The following DGKB variants were observed in gnomAD, a reference collection of about 807,000 sequenced individuals.
The protein encoded by DGKB is diacylglycerol kinase beta.
Under a neutral mutation model 114.3 loss-of-function variants are expected in DGKB, and 67 were observed. The ratio of observed to expected loss-of-function variants is 0.59; its 90% CI spans 0.48 to 0.72. DGKB has a LOEUF of 0.72. DGKB is among the 30% of genes least tolerant of loss of function. The pLI is 0.00. For missense variants in DGKB, 907 were observed against 975.2 expected, an observed-to-expected ratio of 0.93 and a Z score of 0.93; for synonymous variants, 398 against 323.1, an observed-to-expected ratio of 1.23 and a Z score of -2.49.
intron 1 of DGKB, among the ~76,000 whole-genome samples, chr7:14,915,439 C>G (rs1322343951): frequency 6.6e-6 from 1 of 152,036 alleles, no homozygotes; most frequent in African/African-American, 2.4e-5. Context: ...CAGCTGTCTT[C>G]CAAAATTAAT....
In DGKB at chr7:14,580,947, C is replaced by G. The variant is rs1304907158; in HGVS notation, c.1524G>C (p.Lys508Asn). ...CTGGAGGATGCTTGCCTACATTGGC[C>G]TTTTCTGCAGAATAAAAAAAAATAC... Reference protein sequence around the residue: ...TVGWVLDCIEKANVGKHPPVA... With the variant: ...TVGWVLDCIENANVGKHPPVA... The change falls in exon 19 of 26, where the codon AAG (lysine) becomes AAC (asparagine). Residue 508 changes from lysine (K) to asparagine (N), a missense_variant. This residue lies in a region of DGKB where 814 missense variants were observed against 856.6 expected (regional missense o/e 0.95). Transcript: ENST00000402815. The G allele has an allele frequency of 1.3e-6, 2 of 1,592,488 alleles. No individual in the cohort carries two copies. Among genetic ancestry groups the G allele is most frequent in the Non-Finnish European group, 1.7e-6 (2 of 1,167,480 alleles).
At chr7:14,659,929 G>C (rs1182275865) in intron 13 of DGKB, among the ~76,000 whole-genome samples, 2 of 152,014 alleles carry the variant, frequency 1.3e-5, no homozygotes, top group South Asian at 4.2e-4. Flanking sequence ...TTTATTGAGA[G>C]TTTTTAGCAT....
At position 14,547,032 on chromosome 7, in the gene DGKB, G is replaced by A. The variant is rs1277701975; in HGVS notation, c.1770+27180C>T. 3.3e-5 allele frequency among the ~76,000 whole-genome samples: 5 copies of A among 152,044 alleles called. No homozygotes were observed. In the East Asian group the frequency reaches 9.6e-4, roughly 29 times the overall value. On this transcript the variant is annotated intron_variant, in intron 20 of 25. Transcript: ENST00000402815. ...CTTTCTTAGTTAACTCATATTAAAA[G>A]GAATCATTAAGCTTGCCATAAATTC...
intron 1 of DGKB, among the ~76,000 whole-genome samples, chr7:14,857,598 T>C (rs1158401436): frequency 6.6e-6 from 1 of 152,194 alleles, no homozygotes; most frequent in African/African-American, 2.4e-5. Flanking sequence ...TTATTTTCCA[T>C]ATTTAAAATT....
intron 21 of DGKB, among the ~76,000 whole-genome samples, chr7:14,409,692 C>A (rs1485877212): frequency 1.5e-4 from 1 of 6,748 alleles, no homozygotes; most frequent in Admixed American, 1.6e-3. Context: ...CTGGCCTGGG[C>A]GACAGAGCGA....
chr7:14,956,535 T>A (rs1431905616), intron 1 of DGKB, among the ~76,000 whole-genome samples: 1 of 152,064 alleles, frequency 6.6e-6, no homozygotes, highest in East Asian at 1.9e-4. Context: ...GATGTGAAAA[T>A]GAACTGCTAA....
chr7:14,604,962 TA>T (rs1416272812), intron 17 of DGKB, among the ~76,000 whole-genome samples: 1 of 152,146 alleles, frequency 6.6e-6, no homozygotes, highest in Non-Finnish European at 1.5e-5. Context: ...AAGATGAAGC[TA>T]AAAGTTCAAC....
At chr7:14,568,763 C>T (rs907176212) in intron 20 of DGKB, among the ~76,000 whole-genome samples, 3 of 152,152 alleles carry the variant, frequency 2.0e-5, no homozygotes, top group African/African-American at 4.8e-5. Context: ...TTTCTGACCT[C>T]GGGCTTTCTA....
chr7:14,424,467 A>G (rs1009526988), intron 21 of DGKB, among the ~76,000 whole-genome samples: 3 of 151,916 alleles, frequency 2.0e-5, no homozygotes, highest in Admixed American at 2.0e-4. Context: ...CACCCTATAT[A>G]AAAGAGTTAG....
chr7:14,627,250 G>GGGT (rs1190315562), intron 14 of DGKB, among the ~76,000 whole-genome samples: 1 of 152,052 alleles, frequency 6.6e-6, no homozygotes, highest in Non-Finnish European at 1.5e-5. Context: ...GTGGTGATTT[G>GGGT]GGTGGTGTCT....
chr7:14,566,986 G>T (rs984993021), intron 20 of DGKB, among the ~76,000 whole-genome samples: 8 of 146,420 alleles, frequency 5.5e-5, no homozygotes, highest in African/African-American at 1.8e-4. Context: ...CAAAAATGTT[G>T]TATTTGTGCA....
At chr7:14,687,620 G>A (rs1325399376) in intron 9 of DGKB, among the ~76,000 whole-genome samples, 1 of 151,528 alleles carries the variant, frequency 6.6e-6, no homozygotes, top group Non-Finnish European at 1.5e-5. Flanking sequence ...TTAAATATGG[G>A]GTTGTTAATT....
At chr7:14,832,029 A>G (rs1403014193) in intron 2 of DGKB, among the ~76,000 whole-genome samples, 1 of 152,092 alleles carries the variant, frequency 6.6e-6, no homozygotes, top group East Asian at 1.9e-4. Flanking sequence ...CATCCTAATA[A>G]TAACAACGAA....
chr7:14,545,639 T>C (rs527735454), intron 20 of DGKB, among the ~76,000 whole-genome samples: 6 of 152,332 alleles, frequency 3.9e-5, no homozygotes, highest in African/African-American at 1.4e-4. Context: ...ATCTCACACT[T>C]GGAATCCTCA....
intron 19 of DGKB, among the ~76,000 whole-genome samples, chr7:14,575,838 A>G (rs1342466633): frequency 3.3e-5 from 5 of 152,208 alleles, no homozygotes; most frequent in Non-Finnish European, 5.9e-5. Context: ...TAGAGCTATT[A>G]GCATACATAT....
intron 1 of DGKB, among the ~76,000 whole-genome samples, chr7:14,940,256 C>A: frequency 6.6e-6 from 1 of 151,894 alleles, no homozygotes. Flanking sequence ...ACAAATAGGG[C>A]ATGTGACAGT....
chr7:14,212,067 GATT>G (rs1332180818), intron 23 of DGKB, among the ~76,000 whole-genome samples: 5 of 25,170 alleles, frequency 2.0e-4, no homozygotes, highest in Non-Finnish European at 4.4e-4. Context: ...CATGTTTTGT[GATT>G]TTACTCTCAT....
At chr7:14,833,381 T>C (rs1846687330) in intron 2 of DGKB, among the ~76,000 whole-genome samples, 1 of 135,482 alleles carries the variant, frequency 7.4e-6, no homozygotes, top group Non-Finnish European at 1.6e-5. Context: ...TATGTTTATG[T>C]CTTTATGAAG....
intron 20 of DGKB, among the ~76,000 whole-genome samples, chr7:14,504,922 T>G (rs1382783586): frequency 6.6e-6 from 1 of 152,184 alleles, no homozygotes; most frequent in East Asian, 1.9e-4. Context: ...GTTAATTCGA[T>G]AGTCATCTCT....
Sources: gnomAD v4.1 joint callset for allele counts (sites outside exome capture counted in the v4.1 genomes callset) on GRCh38, gnomAD v4.1.1 for gene constraint, gnomAD v4.1.1 regional missense constraint, MANE v1.5 for transcripts, NCBI Gene and HGNC (gene_info 2026-07-23, HGNC 2026-07-21) for gene names.